Variants in ABCA13 observed in about 807,000 individuals in gnomAD.
ABCA13 encodes ATP-binding cassette sub-family A member 13.
Under a neutral mutation model 478.7 loss-of-function variants are expected in ABCA13, and 476 were observed. The ratio of observed to expected loss-of-function variants is 0.99; its 90% CI spans 0.92 to 1.07. The LOEUF is 1.07. ABCA13 is among the 50% of genes least tolerant of loss of function. ABCA13 has a pLI of 0.00. For synonymous variants in ABCA13, 2,252 were observed against 2,158.9 expected (o/e 1.04, Z -1.20); for missense variants, 6,060 against 5,910.6 (o/e 1.03, Z -0.83).
At chr7:48,293,013 A>G (rs542681512) in intron 20 of ABCA13, among the ~76,000 whole-genome samples, 2 of 152,368 alleles carry the variant, frequency 1.3e-5, no homozygotes, top group African/African-American at 2.4e-5. Context: ...AAAGAAACTT[A>G]TAAAATGAAT....
chr7:48,528,540 G>T (rs1368184564), intron 55 of ABCA13, among the ~76,000 whole-genome samples, 195 bp downstream of exon 55: 1 of 152,130 alleles, frequency 6.6e-6, no homozygotes, highest in Non-Finnish European at 1.5e-5. Context: ...CTTCCAGCTG[G>T]AGTAAAGGGC....
At chr7:48,281,535 C>T (rs910482764) in intron 19 of ABCA13, 83 bp downstream of exon 19, 1 of 1,206,504 alleles carries the variant, frequency 8.3e-7, no homozygotes, top group Non-Finnish European at 1.2e-6. Context: ...GAGTATATTG[C>T]ACTTGAGTTT....
chr7:48,182,328 A>C (rs1795807701), intron 1 of ABCA13, among the ~76,000 whole-genome samples: 1 of 152,224 alleles, frequency 6.6e-6, no homozygotes, highest in African/African-American at 2.4e-5. Flanking sequence ...TATTTTAGAT[A>C]CTTTCCCAAT....
intron 35 of ABCA13, among the ~76,000 whole-genome samples, chr7:48,381,655 A>G (rs1359420967): frequency 1.3e-5 from 2 of 152,164 alleles, no homozygotes; most frequent in South Asian, 2.1e-4. Flanking sequence ...TATGCTTCCA[A>G]TTAAATTTGA....
chr7:48,506,772 A>G (rs1831251140), intron 49 of ABCA13, among the ~76,000 whole-genome samples: 1 of 152,138 alleles, frequency 6.6e-6, no homozygotes, highest in Non-Finnish European at 1.5e-5. Flanking sequence ...TTCTCATGCA[A>G]GATTTTCCTC....
At chr7:48,628,144 C>T (rs1172834355) in intron 59 of ABCA13, among the ~76,000 whole-genome samples, 1 of 152,184 alleles carries the variant, frequency 6.6e-6, no homozygotes, top group Non-Finnish European at 1.5e-5. Context: ...CTAGTTCCTT[C>T]AGTTCTCTGC....
intron 23 of ABCA13, among the ~76,000 whole-genome samples, chr7:48,307,133 T>C (rs760424747): frequency 6.6e-6 from 1 of 152,118 alleles, no homozygotes; most frequent in African/African-American, 2.4e-5. Flanking sequence ...AATGTATGTA[T>C]GCTATGTGTC....
intron 38 of ABCA13, among the ~76,000 whole-genome samples, chr7:48,396,993 A>G (rs1201731361): frequency 2.0e-5 from 3 of 152,240 alleles, no homozygotes; most frequent in Non-Finnish European, 2.9e-5. Context: ...AACACAGAAT[A>G]CGGTAGAGGC....
chr7:48,231,378 A>G (rs1455014918), intron 7 of ABCA13, among the ~76,000 whole-genome samples: 1 of 152,128 alleles, frequency 6.6e-6, no homozygotes, highest in African/African-American at 2.4e-5. Context: ...CATTTCCAGG[A>G]AGAGAGAAGA....
In ABCA13 at chr7:48,455,154, C is replaced by T. The variant is rs1825518771; in HGVS notation, c.12683C>T (p.Ala4228Val). 1 of 1,580,080 alleles carries T rather than the reference C, an allele frequency of 6.3e-7. No individual in the cohort carries two copies. The highest frequency in any genetic ancestry group is 8.6e-7 in the Non-Finnish European group (1 of 1,163,406). Residue 4228 changes from alanine (A) to valine (V), a missense_variant, in exon 43 of 62, where the codon GCC becomes GTC. Physicochemically the swap from Ala to Val is moderately conservative, Grantham distance 64. This residue lies in a region of ABCA13 where 1,627 missense variants were observed against 1,571.0 expected (regional missense o/e 1.04). Coordinates refer to ENST00000435803, the MANE Select transcript of ABCA13 (RefSeq NM_152701.5). ...CTGCGCGCCGGGAAGAGCACCCTCG[C>T]CGACCTGCTGCTGCCAGTCCTCTTC... ...RTLRAGKSTL[A>V]DLLLPVLFVA...
chr7:48,580,090 C>A, intron 55 of ABCA13, 134 bp from the exon 56 acceptor site: 1 of 963,150 alleles, frequency 1.0e-6, no homozygotes, highest in South Asian at 2.1e-5. Flanking sequence ...ATGAAATGAA[C>A]CTATTATTGT....
At position 48,570,385 on chromosome 7, in the gene ABCA13, C is replaced by T. The variant is rs200702990; in HGVS notation, c.14355-9839C>T. 2.2e-3 allele frequency among the ~76,000 whole-genome samples: 285 copies of T among 130,350 alleles called. 1 individual carries two copies. The highest frequency in any genetic ancestry group is 7.0e-3 in the African/African-American group (232 of 32,988). 85.5% of individuals were successfully genotyped at this position (130,350 alleles called of 152,430 possible). On this transcript the variant is annotated intron_variant, in intron 55 of 61. Coordinates refer to ENST00000435803, the MANE Select transcript of ABCA13 (RefSeq NM_152701.5). ...TGTCGCCCAGGCTGGAGTGCAGTGGCGCAATCTTGGCTCACTGCAAGCTCT... is the reference window on the plus strand; with the variant it reads ...TGTCGCCCAGGCTGGAGTGCAGTGGTGCAATCTTGGCTCACTGCAAGCTCT...
intron 23 of ABCA13, among the ~76,000 whole-genome samples, chr7:48,301,186 A>T (rs1800105387): frequency 6.6e-6 from 1 of 152,164 alleles, no homozygotes; most frequent in Admixed American, 6.5e-5. Flanking sequence ...ATTCCCTGAA[A>T]GTTCCAATCT....
At chr7:48,343,714 C>T (rs547758016) in intron 29 of ABCA13, among the ~76,000 whole-genome samples, 11 of 151,916 alleles carry the variant, frequency 7.2e-5, no homozygotes, top group Non-Finnish European at 1.6e-4. Flanking sequence ...ACACTGTACC[C>T]AATGTGTAGA....
rs78634768 is a variant in ABCA13, at chr7:48,507,915, C to A, written c.13390C>A (p.Leu4464Met). The change falls in exon 50 of 62, where the codon CTG (leucine) becomes ATG (methionine). Residue 4464 changes from leucine to methionine, a missense_variant. Transcript: ENST00000435803. The stretch of plus-strand genomic sequence containing the variant: ...GTGTGGAGTGGCCCTCTGCATCGTG[C>A]TGGGATTCTCCATCCTGTCTGCATC... ...RQCGVALCIV[L>M]GFSILSASIG... 18,888 of 1,612,888 alleles carry A rather than the reference C, an allele frequency of 0.012. 150 individuals are homozygous for A. Among genetic ancestry groups the A allele is most frequent in the Non-Finnish European group, 0.014 (16,327 of 1,179,464 alleles).
rs781558208 is a variant in ABCA13, at chr7:48,489,257, T to A, written c.13204T>A (p.Phe4402Ile). ...LAKVWYNQKG[F>I]HSLPSYLNHL... ...TTAGGTGTGGTATAATCAGAAGGGT[T>A]TTCATTCCCTACCTTCCTACTTAAA... The change falls in exon 48 of 62, where the codon TTT becomes ATT. Residue 4402 changes from phenylalanine (F) to isoleucine (I), a missense_variant. Physicochemically the swap from Phe to Ile is conservative, Grantham distance 21 (BLOSUM62 0). Coordinates refer to ENST00000435803, the MANE Select transcript of ABCA13 (RefSeq NM_152701.5). 6.2e-7 allele frequency: 1 copy of A among 1,612,216 alleles called. No individual in the cohort carries two copies. The highest frequency in any genetic ancestry group is 8.5e-7 in the Non-Finnish European group (1 of 1,178,872).
At chr7:48,558,210 TCA>T (rs1786063705) in intron 55 of ABCA13, among the ~76,000 whole-genome samples, 1 of 130,336 alleles carries the variant, frequency 7.7e-6, no homozygotes, top group South Asian at 2.9e-4. Flanking sequence ...TCTCTCCCTT[TCA>T]CTTTCTCTTT....
At chr7:48,510,905 G>A (rs1012313084) in intron 50 of ABCA13, among the ~76,000 whole-genome samples, 179 bp from the exon 51 acceptor site, 1 of 151,460 alleles carries the variant, frequency 6.6e-6, no homozygotes, top group Non-Finnish European at 1.5e-5. Context: ...ATTGTGGGGG[G>A]GTACAACTCA....
At chr7:48,366,750 T>A (rs1225263895) in intron 31 of ABCA13, among the ~76,000 whole-genome samples, 1 of 152,156 alleles carries the variant, frequency 6.6e-6, no homozygotes, top group Non-Finnish European at 1.5e-5. Context: ...CATTAATCCA[T>A]TCATGAGTGT....
Sources: allele counts gnomAD v4.1 joint callset (sites outside exome capture counted in the v4.1 genomes callset), GRCh38; gene constraint gnomAD v4.1.1; regional missense constraint gnomAD v4.1.1; transcripts MANE v1.5; gene names NCBI Gene and HGNC (gene_info 2026-07-23, HGNC 2026-07-21).